The following NCOA3 variants were observed in gnomAD, a reference collection of about 807,000 sequenced individuals.
The protein encoded by NCOA3 is nuclear receptor coactivator 3.
In NCOA3, 51 loss-of-function variants were observed where a neutral mutation model predicts 158.8. The ratio of observed to expected loss-of-function variants is 0.32; its 90% CI spans 0.26 to 0.41. NCOA3 has a LOEUF of 0.41. NCOA3 is among the 10% of genes least tolerant of loss of function. NCOA3 has a pLI of 1.00. For missense variants in NCOA3, 1,510 were observed against 1,746.6 expected (o/e 0.86, Z 2.41); for synonymous variants, 537 against 592.4 (o/e 0.91, Z 1.36).
At chr20:47,526,562 T>C (rs79606802) in intron 1 of NCOA3, among the ~76,000 whole-genome samples, 4 of 152,336 alleles carry the variant, frequency 2.6e-5, no homozygotes, top group South Asian at 2.1e-4. Flanking sequence ...AGCTGGAGAC[T>C]AGCCCGGCCA....
At chr20:47,632,655 G>A (rs546628173) in intron 8 of NCOA3, among the ~76,000 whole-genome samples, 1 of 150,910 alleles carries the variant, frequency 6.6e-6, no homozygotes, top group Admixed American at 6.6e-5. Flanking sequence ...CAAAGTGCTG[G>A]GATTACAGAT....
rs1482090830 is a variant in NCOA3, at chr20:47,537,821, A to G, written c.-99+35802A>G. 3.3e-5 allele frequency among the ~76,000 whole-genome samples: 5 copies of G among 151,918 alleles called. No individual in the cohort carries two copies. The East Asian group carries it at 9.6e-4, about 29-fold the overall frequency. ...GTCTTGATCTCCTGACCTGGTTGTGATCTGCCCGCCTCGGCCTCCCAAAGT... is the reference window on the plus strand; with the variant it reads ...GTCTTGATCTCCTGACCTGGTTGTGGTCTGCCCGCCTCGGCCTCCCAAAGT... On this transcript the variant is annotated intron_variant, in intron 1 of 22. Transcript: ENST00000371998.
Position 47,624,097 on chromosome 20 carries a change from T to G in NCOA3, c.256+14T>G. ...TAAAAGAGCAAGGTAATAAAAACAC[T>G]CATGTCTTTTTGAACAGTGGTGGTT... is the stretch of plus-strand genomic sequence containing the variant. On this transcript the variant is annotated intron_variant, in intron 4 of 22. Coordinates refer to ENST00000371998, the MANE Select transcript of NCOA3 (RefSeq NM_181659.3). The G allele has an allele frequency of 6.3e-7, 1 of 1,591,100 alleles. No homozygotes were observed. The highest frequency in any genetic ancestry group is 8.6e-7 in the Non-Finnish European group (1 of 1,169,090).
chr20:47,634,920 CTTTTTTTTTTTTT>C (rs66801245), intron 10 of NCOA3, among the ~76,000 whole-genome samples: 1 of 120,114 alleles, frequency 8.3e-6, no homozygotes, highest in East Asian at 2.4e-4. Context: ...TTCTCTTCTT[CTTTTTTTTTTTTT>C]TTTTTTTTAA....
intron 1 of NCOA3, among the ~76,000 whole-genome samples, chr20:47,519,580 A>G (rs1046338848): frequency 6.6e-6 from 1 of 152,098 alleles, no homozygotes; most frequent in Non-Finnish European, 1.5e-5. Context: ...AAACCAAGGG[A>G]AATTAGTCTG....
At chr20:47,505,583 G>A (rs1227747191) in intron 1 of NCOA3, among the ~76,000 whole-genome samples, 1 of 152,076 alleles carries the variant, frequency 6.6e-6, no homozygotes, top group East Asian at 1.9e-4. Flanking sequence ...ATTACCTGTA[G>A]CAGTTTGGTT....
chr20:47,605,414 T>G (rs1443594779), intron 2 of NCOA3, among the ~76,000 whole-genome samples: 1 of 151,982 alleles, frequency 6.6e-6, no homozygotes, highest in Admixed American at 6.6e-5. Context: ...TGTGTGTGTA[T>G]GAGACATATA....
chr20:47,642,224 G>C lies in NCOA3; in HGVS notation c.3092G>C (p.Arg1031Thr). The change falls in exon 17 of 23, where the codon AGG becomes ACG. Residue 1031 changes from arginine to threonine, a missense_variant. Around this residue, in one of 4 missense-constraint regions of NCOA3, gnomAD observed 1,017 missense variants for 1,098.3 expected, o/e 0.93. Transcript: ENST00000371998. Reference sequence around the variant, plus strand: ...AAGTCTTTTTCTAGGCCTCTTCTTAGGAATTCCCTGGATGATCTTGTTGGG... The same window carrying C: ...AAGTCTTTTTCTAGGCCTCTTCTTACGAATTCCCTGGATGATCTTGTTGGG... ...SHGTQNRPLL[R>T]NSLDDLVGPP... 6.3e-7 allele frequency: 1 copy of C among 1,585,240 alleles called. No individual in the cohort carries two copies. Among genetic ancestry groups the C allele is most frequent in the Non-Finnish European group, 8.5e-7 (1 of 1,171,040 alleles).
At chr20:47,587,693 G>A (rs2085557020) in intron 2 of NCOA3, among the ~76,000 whole-genome samples, 1 of 151,980 alleles carries the variant, frequency 6.6e-6, no homozygotes, top group Admixed American at 6.6e-5. Flanking sequence ...TTTTATTGCT[G>A]TATTGTTTTT....
rs753610840 is a variant in NCOA3, at chr20:47,639,721, G to C, written c.2852G>C (p.Arg951Thr). Reference sequence around the variant, plus strand: ...GGAGATTATAATACTTCTTTACCCAGACCTGCACTGGGTGGCTCTATTCCC... The same window carrying C: ...GGAGATTATAATACTTCTTTACCCACACCTGCACTGGGTGGCTCTATTCCC... ...PGGDYNTSLP[R>T]PALGGSIPTL... is the part of the protein sequence containing the mutation. The change falls in exon 15 of 23, where the codon AGA becomes ACA. Residue 951 changes from arginine (R) to threonine (T), a missense_variant. By Grantham distance (71) the Arg-to-Thr change is moderately conservative. Coordinates refer to ENST00000371998, the MANE Select transcript of NCOA3 (RefSeq NM_181659.3). 6.2e-7 allele frequency: 1 copy of C among 1,614,084 alleles called. No homozygotes were observed. The highest frequency in any genetic ancestry group is 8.5e-7 in the Non-Finnish European group (1 of 1,180,018).
chr20:47,576,103 C>T (rs946099146), intron 1 of NCOA3, among the ~76,000 whole-genome samples: 1 of 152,110 alleles, frequency 6.6e-6, no homozygotes, highest in African/African-American at 2.4e-5. Flanking sequence ...ACAGTTACTC[C>T]CAGGTACTGA....
chr20:47,630,035 T>C (rs1010693654), intron 8 of NCOA3, among the ~76,000 whole-genome samples: 5 of 152,210 alleles, frequency 3.3e-5, no homozygotes, highest in Non-Finnish European at 7.3e-5. Flanking sequence ...TCTGGGGATA[T>C]TTTATCTTCT....
At chr20:47,620,512 G>A (rs568072973) in intron 2 of NCOA3, among the ~76,000 whole-genome samples, 100 of 152,278 alleles carry the variant, frequency 6.6e-4, no homozygotes, top group African/African-American at 2.4e-3. Context: ...AGTACAAAGA[G>A]TTTTTACGTT....
chr20:47,653,600 CT>C lies in NCOA3; in HGVS notation c.*184del. ...TGGATTTTAAGCCGAAGGGCAATAT[CT>C]ACGTGTTTTTCCCCCCTCCTTCTGC... On this transcript the variant is annotated 3_prime_UTR_variant, in exon 23 of 23. Transcript: ENST00000371998. The C allele has an allele frequency of 1.4e-6, 1 of 714,022 alleles. No individual in the cohort carries two copies. Among genetic ancestry groups the C allele is most frequent in the East Asian group, 2.5e-5 (1 of 40,070 alleles). The allele number at this position is 714,022 out of a possible 1,614,324, so 44.2% of individuals were successfully genotyped here. A position where few individuals can be genotyped will look rare whatever the true frequency, so the allele number is the denominator to read the frequency against.
intron 1 of NCOA3, among the ~76,000 whole-genome samples, chr20:47,545,879 T>A (rs1767528816): frequency 6.6e-6 from 1 of 152,106 alleles, no homozygotes; most frequent in South Asian, 2.1e-4. Flanking sequence ...CATGCCTGGT[T>A]AATTTTTGTA....
At chr20:47,630,040 T>A (rs2086387680) in intron 8 of NCOA3, among the ~76,000 whole-genome samples, 1 of 152,240 alleles carries the variant, frequency 6.6e-6, no homozygotes, top group South Asian at 2.1e-4. Flanking sequence ...GGATATTTTA[T>A]CTTCTGTCCC....
At chr20:47,539,674 A>G (rs1448636464) in intron 1 of NCOA3, among the ~76,000 whole-genome samples, 3 of 152,186 alleles carry the variant, frequency 2.0e-5, no homozygotes, top group Non-Finnish European at 4.4e-5. Flanking sequence ...GCTAGCTATT[A>G]CCAAATTTCA....
intron 10 of NCOA3, among the ~76,000 whole-genome samples, chr20:47,635,014 G>A (rs767704301): frequency 1.4e-5 from 2 of 145,460 alleles, no homozygotes; most frequent in African/African-American, 5.1e-5. Flanking sequence ...CTGCAACCTC[G>A]AACTCCTGGG....
At chr20:47,548,568 A>T (rs866358257) in intron 1 of NCOA3, among the ~76,000 whole-genome samples, 33 of 151,998 alleles carry the variant, frequency 2.2e-4, no homozygotes, top group Middle Eastern at 3.2e-3. Context: ...AAATAAAAAT[A>T]AAAATTAAAA....
Sources: gnomAD v4.1 joint callset for allele counts (sites outside exome capture counted in the v4.1 genomes callset) on GRCh38, gnomAD v4.1.1 for gene constraint, gnomAD v4.1.1 regional missense constraint, MANE v1.5 for transcripts, NCBI Gene and HGNC (gene_info 2026-07-23, HGNC 2026-07-21) for gene names.